The following ZNF217 variants were observed in gnomAD, a reference collection of about 807,000 sequenced individuals.
The protein encoded by ZNF217 is zinc finger protein 217.
A neutral mutation model predicts 73.3 loss-of-function variants in ZNF217; 12 were observed. The observed-to-expected ratio is 0.16, with a 90% CI of 0.10 to 0.27. The LOEUF (loss-of-function observed/expected upper bound fraction) is 0.27. Ranked by LOEUF, ZNF217 falls within the 10% of genes least tolerant of loss-of-function variation. The pLI is 1.00. For missense variants in ZNF217, 1,195 were observed against 1,327.8 expected, an observed-to-expected ratio of 0.90 and a Z score of 1.55; for synonymous variants, 588 against 516.4, an observed-to-expected ratio of 1.14 and a Z score of -1.88.
Position 53,571,847 on chromosome 20 carries a change from CT to C in ZNF217, c.3043del (p.Arg1015GlyfsTer92), listed in dbSNP as rs1256049603. 5 of 1,589,394 alleles carry C rather than the reference CT, an allele frequency of 3.1e-6. No individual in the cohort carries two copies. The highest frequency in any genetic ancestry group is 2.3e-5 in the South Asian group (2 of 85,888). On this transcript the variant is annotated frameshift_variant, in exon 5 of 6. Transcript: ENST00000371471. LOFTEE classifies it high-confidence loss of function. Reference protein sequence around the residue: ...PASSSTLEGKRPVSYQHLSNS... With the variant: ...PASSSTLEGKXPVSYQHLSNS... ...AGATAAGTGTTGATATGACACAGGC[CT>C]TTTTCCTGATTGAAAAAAAAAACAT... is the stretch of plus-strand genomic sequence containing the variant.
In ZNF217 at chr20:53,578,342, G is replaced by T. The variant is rs753187778; in HGVS notation, c.1475C>A (p.Thr492Lys). ...AAATAAAAGTTCTTTACCTGTATGC[G>T]TTCTGAGATGAATATTGAGGTAATA... is the stretch of plus-strand genomic sequence containing the variant. ...SNYYLNIHLR[T>K]HTGEKPYKCE... Residue 492 changes from threonine to lysine, a missense_variant, in exon 3 of 6, where the codon ACG becomes AAG. By Grantham distance (78) the Thr-to-Lys change is moderately conservative (BLOSUM62 -1). Coordinates refer to ENST00000371471, the MANE Select transcript of ZNF217 (RefSeq NM_006526.3). 1 of 1,581,532 alleles carries T rather than the reference G, an allele frequency of 6.3e-7. No homozygotes were observed. The highest frequency in any genetic ancestry group is 1.2e-5 in the South Asian group (1 of 84,380).
chr20:53,578,632 T>A (rs1988374158), intron 2 of ZNF217, among the ~76,000 whole-genome samples, 182 bp from the exon 3 acceptor site: 1 of 152,150 alleles, frequency 6.6e-6, no homozygotes, highest in Non-Finnish European at 1.5e-5. Context: ...TTGTTTGAAG[T>A]TTTAGAGTGT....
chr20:53,583,359 C>T (rs1988580110), intron 1 of ZNF217, among the ~76,000 whole-genome samples, 191 bp from the exon 2 acceptor site: 2 of 152,184 alleles, frequency 1.3e-5, no homozygotes, highest in African/African-American at 4.8e-5. Context: ...CCAGTCAGTA[C>T]ACTTATTAAA....
At chr20:53,585,842 G>A (rs1988675496) in intron 1 of ZNF217, among the ~76,000 whole-genome samples, 1 of 152,060 alleles carries the variant, frequency 6.6e-6, no homozygotes, top group Non-Finnish European at 1.5e-5. Context: ...CTAGGCCAAG[G>A]GGTCTTCTTG....
chr20:53,593,890 G>C (rs1988979209), upstream of ZNF217: 1 of 151,132 alleles, frequency 6.6e-6, no homozygotes, highest in Non-Finnish European at 1.5e-5. Context: ...GAGGGAGGGA[G>C]GGAGGCGTCG....
rs1284442006 is a variant in ZNF217, at chr20:53,569,065, T to C, written c.*223A>G. 1.7e-6 allele frequency: 2 copies of C among 1,156,112 alleles called. No homozygotes were observed. Among genetic ancestry groups the C allele is most frequent in the Non-Finnish European group, 2.2e-6 (2 of 910,234 alleles). 71.6% of individuals were successfully genotyped at this position (1,156,112 alleles called of 1,614,324 possible). On this transcript the variant is annotated 3_prime_UTR_variant, in exon 6 of 6. Transcript: ENST00000371471. ...AGTCCCCATGTATGTAAGTTCCAAC[T>C]GTTCCAACTAGTTTGTATTGCTATT...
chr20:53,578,494 G>T, intron 2 of ZNF217, 44 bp from the exon 3 acceptor site: 2 of 1,259,342 alleles, frequency 1.6e-6, no homozygotes, highest in Non-Finnish European at 2.2e-6. Flanking sequence ...GGTAGCTGAA[G>T]TACCTGAATA....
At chr20:53,577,502 TATTTA>T (rs1478750824) in intron 3 of ZNF217, among the ~76,000 whole-genome samples, 2 of 152,224 alleles carry the variant, frequency 1.3e-5, no homozygotes, top group Admixed American at 1.3e-4. Flanking sequence ...ACTTCTAACT[TATTTA>T]ATCTTCCTAA....
At chr20:53,592,664 C>T (rs967431452) in intron 1 of ZNF217, among the ~76,000 whole-genome samples, 1 of 151,870 alleles carries the variant, frequency 6.6e-6, no homozygotes, top group African/African-American at 2.4e-5. Context: ...TCTTGCCCCT[C>T]GGGCGGGACC....
At chr20:53,577,402 T>C (rs1040808748) in intron 3 of ZNF217, 122 bp from the exon 4 acceptor site, 1 of 857,564 alleles carries the variant, frequency 1.2e-6, no homozygotes, top group East Asian at 2.7e-5. Flanking sequence ...TACTATCACA[T>C]AGGATTTCTC....
chr20:53,583,533 A>G (rs778390335), intron 1 of ZNF217, among the ~76,000 whole-genome samples: 53 of 152,244 alleles, frequency 3.5e-4, no homozygotes, highest in Non-Finnish European at 6.6e-4. Context: ...AAATCTAAAG[A>G]CTATAAGAAC....
At chr20:53,592,733 C>A (rs1339439824) in intron 1 of ZNF217, among the ~76,000 whole-genome samples, 1 of 151,736 alleles carries the variant, frequency 6.6e-6, no homozygotes, top group Non-Finnish European at 1.5e-5. Context: ...CGCCTCTCCA[C>A]CATCCCGTCC....
chr20:53,582,822 T>A lies in ZNF217; in HGVS notation c.5A>T (p.Gln2Leu), dbSNP rs779111186. 1 of 1,597,142 alleles carries A rather than the reference T, an allele frequency of 6.3e-7. No homozygotes were observed. Among genetic ancestry groups the A allele is most frequent in the South Asian group, 1.1e-5 (1 of 89,144 alleles). ...TGGCATGTTTCCTGTCACTTTCGATTGCATATAATCTCAAAGTTCCGTTGG... is the reference window on the plus strand; with the variant it reads ...TGGCATGTTTCCTGTCACTTTCGATAGCATATAATCTCAAAGTTCCGTTGG... The part of the protein sequence containing the change: M[Q>L]SKVTGNMPTQ... Residue 2 changes from glutamine to leucine, a missense_variant, in exon 2 of 6, where the codon CAA (glutamine) becomes CTA (leucine). Transcript: ENST00000371471. This position sits in a 1 kb window ranked among gnomAD's most constrained non-coding sequence, Gnocchi z 4.8.
chr20:53,574,916 G>C (rs1331307020), intron 4 of ZNF217: 1 of 152,412 alleles, frequency 6.6e-6, no homozygotes, highest in South Asian at 2.1e-4. Context: ...ATGAAGTGAG[G>C]CAAGCTGGGG....
At chr20:53,575,131 G>A (rs913679596) in intron 4 of ZNF217, 1 of 152,218 alleles carries the variant, frequency 6.6e-6, no homozygotes, top group Non-Finnish European at 1.5e-5. Flanking sequence ...ATCACTTGAG[G>A]CCAGGGGTTT....
At chr20:53,571,965 G>T in intron 4 of ZNF217, 112 bp from the exon 5 acceptor site, 1 of 1,074,430 alleles carries the variant, frequency 9.3e-7, no homozygotes, top group Non-Finnish European at 1.3e-6. Flanking sequence ...TGTAATCAAC[G>T]CCTAAGTCAC....
intron 2 of ZNF217, among the ~76,000 whole-genome samples, chr20:53,578,912 G>A (rs1988385371): frequency 6.6e-6 from 1 of 152,148 alleles, no homozygotes; most frequent in Non-Finnish European, 1.5e-5. Flanking sequence ...GGAAAAATAA[G>A]CCGTTTAAGG....
chr20:53,581,612 C>T lies in ZNF217; in HGVS notation c.1215G>A (p.Ala405=), dbSNP rs763456389. ...RVHKKDRRAG[A]ESPTMSVDGR... ...CGTCCACAGACATGGTGGGCGACTCCGCGCCGGCCCTCCGGTCCTTCTTGT... is the reference window on the plus strand; with the variant it reads ...CGTCCACAGACATGGTGGGCGACTCTGCGCCGGCCCTCCGGTCCTTCTTGT... The change falls in exon 2 of 6, where the codon GCG becomes GCA. Residue 405 remains alanine, a synonymous_variant. Transcript: ENST00000371471. This position sits in a 1 kb window ranked among gnomAD's most constrained non-coding sequence, Gnocchi z 4.9. 3.7e-6 allele frequency: 6 copies of T among 1,614,096 alleles called. No homozygotes were observed. Among genetic ancestry groups the T allele is most frequent in the African/African-American group, 1.3e-5 (1 of 74,940 alleles).
upstream of ZNF217, among the ~76,000 whole-genome samples, chr20:53,594,381 A>G (rs927673822): frequency 1.9e-5 from 1 of 53,368 alleles, no homozygotes; most frequent in African/African-American, 7.5e-5. Context: ...GCCACGCCCC[A>G]CACCGCCCCG....
Sources: allele counts gnomAD v4.1 joint callset (sites outside exome capture counted in the v4.1 genomes callset), GRCh38; gene constraint gnomAD v4.1.1; non-coding constraint Gnocchi (gnomAD v3.1); transcripts MANE v1.5; gene names NCBI Gene and HGNC (gene_info 2026-07-23, HGNC 2026-07-21).